Variants in NTN1 observed in about 807,000 individuals in gnomAD.
The protein encoded by NTN1 is netrin-1.
A neutral mutation model predicts 54.2 loss-of-function variants in NTN1; 11 were observed. The observed-to-expected ratio is 0.20, with a 90% CI of 0.13 to 0.34. NTN1 has a LOEUF of 0.34. Ranked by LOEUF, NTN1 falls within the 10% of genes least tolerant of loss-of-function variation. The pLI is 1.00. For missense variants in NTN1, 740 were observed against 893.1 expected (o/e 0.83, Z 2.18); for synonymous variants, 371 against 382.0 (o/e 0.97, Z 0.33).
intron 2 of NTN1, among the ~76,000 whole-genome samples, chr17:9,131,976 G>C (rs1196330687): frequency 1.4e-5 from 2 of 141,186 alleles, no homozygotes; most frequent in Non-Finnish European, 3.0e-5. Context: ...CTAATTTTTT[G>C]TATTTTTTTT....
intron 2 of NTN1, among the ~76,000 whole-genome samples, chr17:9,025,217 C>T (rs1218806531): frequency 1.3e-5 from 2 of 152,202 alleles, no homozygotes; most frequent in South Asian, 4.1e-4. Context: ...ACCACCCACC[C>T]CCAGGTCTTG....
chr17:9,015,959 A>C, the NTN1 span, among the ~76,000 whole-genome samples: 1 of 152,046 alleles, frequency 6.6e-6, no homozygotes, highest in South Asian at 2.1e-4. Context: ...CTGTAATCCC[A>C]GCTACTTGGG....
At chr17:9,029,835 T>G (rs372632973) in intron 2 of NTN1, among the ~76,000 whole-genome samples, 2 of 151,944 alleles carry the variant, frequency 1.3e-5, no homozygotes, top group Non-Finnish European at 2.9e-5. Flanking sequence ...CTACTAAAAA[T>G]ACAAAAATTA....
intron 5 of NTN1, among the ~76,000 whole-genome samples, chr17:9,218,751 G>A (rs1905265871): frequency 6.6e-6 from 1 of 152,144 alleles, no homozygotes; most frequent in African/African-American, 2.4e-5. Flanking sequence ...ATCAGATGAG[G>A]CTCGGAAGAG....
chr17:9,180,374 C>T (rs2092415181), intron 4 of NTN1, among the ~76,000 whole-genome samples: 1 of 152,244 alleles, frequency 6.6e-6, no homozygotes, highest in African/African-American at 2.4e-5. Flanking sequence ...TGCATTCCTG[C>T]ATTCAAGGCC....
intron 6 of NTN1, among the ~76,000 whole-genome samples, chr17:9,225,879 T>A (rs1461708698): frequency 1.3e-5 from 2 of 152,212 alleles, no homozygotes; most frequent in East Asian, 3.9e-4. Context: ...CTGCCCCTGC[T>A]GGGTGAAGAG....
chr17:9,189,603 G>A (rs1429626195), intron 5 of NTN1, among the ~76,000 whole-genome samples: 2 of 152,012 alleles, frequency 1.3e-5, no homozygotes, highest in Non-Finnish European at 2.9e-5. Flanking sequence ...GCCCACCTCA[G>A]CCTCTCAAAG....
chr17:9,223,151 C>A (rs1050002211), intron 6 of NTN1, among the ~76,000 whole-genome samples: 4 of 152,216 alleles, frequency 2.6e-5, no homozygotes, highest in African/African-American at 9.6e-5. Context: ...GAAACTTCCA[C>A]CTCCCACGGG....
chr17:9,005,609 A>G, the NTN1 span, among the ~76,000 whole-genome samples: 1 of 152,198 alleles, frequency 6.6e-6, no homozygotes, highest in Admixed American at 6.5e-5. Context: ...TTCTTTACCT[A>G]GCAGGCCCTT....
chr17:9,037,232 G>T (rs1490749178), intron 2 of NTN1, among the ~76,000 whole-genome samples: 1 of 152,048 alleles, frequency 6.6e-6, no homozygotes, highest in Non-Finnish European at 1.5e-5. Flanking sequence ...TCAATATCTG[G>T]TTTCTTTTGC....
At chr17:9,078,942 A>C (rs2092060680) in intron 2 of NTN1, among the ~76,000 whole-genome samples, 1 of 152,242 alleles carries the variant, frequency 6.6e-6, no homozygotes, top group South Asian at 2.1e-4. Flanking sequence ...AAGCTGATTT[A>C]GGAACTCTGG....
the NTN1 span, among the ~76,000 whole-genome samples, chr17:9,015,869 G>C: frequency 6.6e-6 from 1 of 152,006 alleles, no homozygotes; most frequent in East Asian, 1.9e-4. Flanking sequence ...TCAGAAGCTC[G>C]AGACCAGCCT....
At chr17:9,094,863 C>A (rs1161123353) in intron 2 of NTN1, among the ~76,000 whole-genome samples, 1 of 152,008 alleles carries the variant, frequency 6.6e-6, no homozygotes, top group Non-Finnish European at 1.5e-5. Context: ...GTGGCGCATG[C>A]CTGTAATCCC....
intron 2 of NTN1, among the ~76,000 whole-genome samples, chr17:9,151,368 T>A (rs1414083058): frequency 1.3e-5 from 2 of 152,154 alleles, no homozygotes; most frequent in Non-Finnish European, 2.9e-5. Flanking sequence ...AGGCCACTTA[T>A]CTCCGGGGAC....
intron 2 of NTN1, among the ~76,000 whole-genome samples, chr17:9,159,922 T>C (rs919865837): frequency 6.6e-6 from 1 of 152,160 alleles, no homozygotes; most frequent in African/African-American, 2.4e-5. Flanking sequence ...CACAAATATA[T>C]ATGTTCAAAG....
chr17:9,087,976 G>T (rs1387130908), intron 2 of NTN1, among the ~76,000 whole-genome samples: 2 of 152,192 alleles, frequency 1.3e-5, no homozygotes, highest in African/African-American at 2.4e-5. Flanking sequence ...ATTCGACCAG[G>T]AGGCTGAATG....
At chr17:9,204,100 T>C (rs759539923) in intron 5 of NTN1, among the ~76,000 whole-genome samples, 19 of 152,074 alleles carry the variant, frequency 1.2e-4, no homozygotes, top group South Asian at 2.1e-4. Flanking sequence ...CTAGGATCGG[T>C]GATGAGGGAG....
intron 5 of NTN1, among the ~76,000 whole-genome samples, chr17:9,218,232 AG>A (rs1286693093): frequency 6.6e-6 from 1 of 152,236 alleles, no homozygotes; most frequent in African/African-American, 2.4e-5. Flanking sequence ...GGTTAAGAGC[AG>A]GGACTGGGCT....
intron 2 of NTN1, among the ~76,000 whole-genome samples, chr17:9,105,464 G>A (rs1165984837): frequency 6.6e-6 from 1 of 151,474 alleles, no homozygotes; most frequent in African/African-American, 2.5e-5. Flanking sequence ...GATGTAGGAG[G>A]CATTAATCCA....
Sources: gnomAD v4.1 joint callset for allele counts (sites outside exome capture counted in the v4.1 genomes callset) on GRCh38, gnomAD v4.1.1 for gene constraint, MANE v1.5 for transcripts, NCBI Gene and HGNC (gene_info 2026-07-23, HGNC 2026-07-21) for gene names.